LAMA4: variants seen among roughly 807,000 people sequenced by gnomAD.
LAMA4 encodes laminin subunit alpha-4.
LAMA4 carries 127 observed loss-of-function variants against 207.1 expected under a neutral mutation model. The observed-to-expected ratio is 0.61, with a 90% CI of 0.53 to 0.71. The LOEUF (loss-of-function observed/expected upper bound fraction) is 0.71, where lower values mean the gene tolerates loss of function less well. LAMA4 is among the 30% of genes least tolerant of loss of function. LAMA4 has a pLI of 0.00. For synonymous variants in LAMA4, 761 were observed against 816.0 expected (o/e 0.93, Z 1.15); for missense variants, 2,093 against 2,246.5 (o/e 0.93, Z 1.38).
At chr6:112,231,783 A>G (rs1409636192) in intron 2 of LAMA4, among the ~76,000 whole-genome samples, 1 of 152,222 alleles carries the variant, frequency 6.6e-6, no homozygotes, top group Non-Finnish European at 1.5e-5. Context: ...TGGCCCATAA[A>G]TTGTACTAAT....
At chr6:112,252,243 A>G (rs1230623077) in intron 2 of LAMA4, among the ~76,000 whole-genome samples, 1 of 152,246 alleles carries the variant, frequency 6.6e-6, no homozygotes, top group Non-Finnish European at 1.5e-5. Context: ...TAACTTGACC[A>G]AGGTCAAAGA....
rs781920620 is a variant in LAMA4, at chr6:112,142,272, A to C, written c.2514T>G (p.Phe838Leu). The C allele has an allele frequency of 8.1e-6, 13 of 1,614,122 alleles. No homozygotes were observed. The highest frequency in any genetic ancestry group is 1.1e-5 in the Non-Finnish European group (13 of 1,180,006). The stretch of plus-strand genomic sequence containing the variant: ...GCACTTCCACAGCTGACTGGCCATC[A>C]AACATCATGGAGACTTGGATCTGGA... ...VASKIQVSMMFDGQSAVEVHS... is the reference protein window; with the variant it reads ...VASKIQVSMMLDGQSAVEVHS... Residue 838 changes from phenylalanine to leucine, a missense_variant, in exon 20 of 39, where the codon TTT (phenylalanine) becomes TTG (leucine). Transcript: ENST00000230538.
At chr6:112,170,921 G>A (rs1398617970) in intron 12 of LAMA4, among the ~76,000 whole-genome samples, 2 of 152,162 alleles carry the variant, frequency 1.3e-5, no homozygotes, top group East Asian at 1.9e-4. Context: ...TTCCATTCCA[G>A]GCAGGTGAGA....
intron 32 of LAMA4, among the ~76,000 whole-genome samples, chr6:112,121,603 AGC>A (rs1778361402): frequency 6.6e-6 from 1 of 152,230 alleles, no homozygotes; most frequent in Non-Finnish European, 1.5e-5. Context: ...TAGACATACA[AGC>A]ATATTTGTAT....
chr6:112,236,899 T>C (rs1468453187), intron 2 of LAMA4: 1 of 152,182 alleles, frequency 6.6e-6, no homozygotes, highest in African/African-American at 2.4e-5. Context: ...AGAGCTATCT[T>C]TTTAGCTCAG....
chr6:112,210,201 C>T (rs201709671), intron 3 of LAMA4, among the ~76,000 whole-genome samples: 4 of 148,482 alleles, frequency 2.7e-5, no homozygotes, highest in East Asian at 3.9e-4. Context: ...TTCTCAGGTA[C>T]GTCTTTTTTT....
chr6:112,129,894 C>T lies in LAMA4; in HGVS notation c.4115G>A (p.Ser1372Asn), dbSNP rs1278737914. The T allele has an allele frequency of 6.2e-7, 1 of 1,607,566 alleles. No homozygotes were observed. Among genetic ancestry groups the T allele is most frequent in the Admixed American group, 1.7e-5 (1 of 59,292 alleles). ...ATTATACCTGGTAAAGTAGGCATTA[C>T]TTATGCAGCCAGTGAAATTAGCATA... ...AQYANFTGCI[S>N]NAYFTRVDRD... is the part of the protein sequence containing the mutation. The change falls in exon 30 of 39, where the codon AGT becomes AAT. Residue 1372 changes from serine (S) to asparagine (N), a missense_variant. By Grantham distance (46) the Ser-to-Asn change is conservative. Transcript: ENST00000230538.
At chr6:112,224,378 C>T (rs1050154089) in intron 2 of LAMA4, among the ~76,000 whole-genome samples, 1 of 152,170 alleles carries the variant, frequency 6.6e-6, no homozygotes, top group Non-Finnish European at 1.5e-5. Context: ...TTTCCTTCTT[C>T]TTGTCCAGCA....
At chr6:112,189,328 A>C in intron 6 of LAMA4, 123 bp from the exon 7 acceptor site, 1 of 721,388 alleles carries the variant, frequency 1.4e-6, no homozygotes, top group Admixed American at 2.0e-5. Context: ...AATTAATTAC[A>C]TTCTTCCTTC....
rs782812863 is a variant in LAMA4, at chr6:112,133,520, C to CATG, written c.3558-36_3558-34dup. 4.3e-6 allele frequency: 7 copies of CATG among 1,612,826 alleles called. No individual in the cohort carries two copies. The Admixed American group carries it at 1.2e-4, about 27-fold the overall frequency. The stretch of plus-strand genomic sequence containing the variant: ...AGAAAGTCAGCCTCACTGATACAGC[C>CATG]ATGATGATGATGTTACCCTGCATAT... On this transcript the variant is annotated intron_variant, in intron 26 of 38. Coordinates refer to ENST00000230538, the MANE Select transcript of LAMA4 (RefSeq NM_001105206.3).
chr6:112,253,983 A>T lies in LAMA4; in HGVS notation c.168T>A (p.Ala56=). 1 of 1,587,330 alleles carries T rather than the reference A, an allele frequency of 6.3e-7. No homozygotes were observed. The highest frequency in any genetic ancestry group is 8.6e-7 in the Non-Finnish European group (1 of 1,166,266). The stretch of plus-strand genomic sequence containing the variant: ...CGGCCGCAGGCGGCAGGCGTCCCAG[A>T]GCCACGCGGGGTTCGCTCGTCTCAG... The part of the protein sequence containing the change: ...DPPETSEPRV[A]LGRLPPAAEK... Residue 56 remains alanine, a synonymous_variant, in exon 2 of 39, where the codon GCT becomes GCA. Coordinates refer to ENST00000230538, the MANE Select transcript of LAMA4 (RefSeq NM_001105206.3).
At chr6:112,165,863 A>G (rs1294800950) in intron 12 of LAMA4, among the ~76,000 whole-genome samples, 1 of 152,208 alleles carries the variant, frequency 6.6e-6, no homozygotes, top group African/African-American at 2.4e-5. Context: ...AAATACTAAT[A>G]CATGTCTTGA....
chr6:112,134,688 C>T, intron 25 of LAMA4, 79 bp from the exon 26 acceptor site: 2 of 1,151,632 alleles, frequency 1.7e-6, no homozygotes, highest in Non-Finnish European at 2.6e-6. Context: ...TATTTTAATT[C>T]TCCTGGTATA....
rs370599915 is a variant in LAMA4, at chr6:112,141,351, A to G, written c.2813+7T>C. The G allele has an allele frequency of 5.6e-6, 9 of 1,613,908 alleles. No individual in the cohort carries two copies. The highest frequency in any genetic ancestry group is 7.6e-6 in the Non-Finnish European group (9 of 1,179,892). The stretch of plus-strand genomic sequence containing the variant: ...CATATATGCCCTGTGTCATGGATTC[A>G]CTGTACCTTTCAATCTTGACAATGC... On this transcript the variant is annotated splice_region_variant and intron_variant, in intron 21 of 38. Coordinates refer to ENST00000230538, the MANE Select transcript of LAMA4 (RefSeq NM_001105206.3).
At chr6:112,245,362 C>T (rs1466532044) in intron 2 of LAMA4, among the ~76,000 whole-genome samples, 2 of 152,276 alleles carry the variant, frequency 1.3e-5, no homozygotes, top group East Asian at 3.9e-4. Flanking sequence ...ATTTCTCTTC[C>T]CTTTGGCTGG....
rs1020306650 is a variant in LAMA4, at chr6:112,119,070, T to C, written c.4821+86A>G. 2.0e-5 allele frequency: 27 copies of C among 1,377,714 alleles called. No individual in the cohort carries two copies. The Admixed American group carries it at 4.7e-4, about 24-fold the overall frequency. 85.3% of individuals were successfully genotyped at this position (1,377,714 alleles called of 1,614,324 possible). ...CAGTTTTACTGGTGCTAGTTTCTAG[T>C]TTCCTAATCTGTGAGACGAGGGCCT... On this transcript the variant is annotated intron_variant, in intron 34 of 38. Transcript: ENST00000230538.
At chr6:112,144,015 G>A (rs1485129472) in intron 19 of LAMA4, among the ~76,000 whole-genome samples, 2 of 152,086 alleles carry the variant, frequency 1.3e-5, no homozygotes, top group African/African-American at 2.4e-5. Flanking sequence ...TCAGTAATTA[G>A]GACCAGTAGT....
chr6:112,229,844 A>T (rs1460491496), intron 2 of LAMA4, among the ~76,000 whole-genome samples: 1 of 152,232 alleles, frequency 6.6e-6, no homozygotes, highest in Non-Finnish European at 1.5e-5. Context: ...CAGAGAATCA[A>T]AATAGATAAG....
intron 2 of LAMA4, among the ~76,000 whole-genome samples, chr6:112,242,491 G>C (rs1554187875): frequency 6.6e-6 from 1 of 152,166 alleles, no homozygotes; most frequent in African/African-American, 2.4e-5. Flanking sequence ...GTATTTGAGA[G>C]CCTAGCATTT....
Sources: gnomAD v4.1 joint callset for allele counts (sites outside exome capture counted in the v4.1 genomes callset) on GRCh38, gnomAD v4.1.1 for gene constraint, MANE v1.5 for transcripts, NCBI Gene and HGNC (gene_info 2026-07-23, HGNC 2026-07-21) for gene names.